KLF6: variants seen among roughly 807,000 people sequenced by gnomAD.
KLF6 encodes Krueppel-like factor 6.
For synonymous variants in KLF6, 152 were observed against 147.9 expected (o/e 1.03, Z -0.20); for missense variants, 233 against 359.8 (o/e 0.65, Z 2.85).
rs1330852460 is a variant in KLF6 at position 3,779,323 on chromosome 10, G to C, written c.*216C>G. 2 of 672,312 alleles carry C rather than the reference G, an allele frequency of 3.0e-6. No individual in the cohort carries two copies. Among genetic ancestry groups the C allele is most frequent in the Non-Finnish European group, 5.5e-6 (2 of 366,826 alleles). 41.6% of individuals were successfully genotyped at this position (672,312 alleles called of 1,614,324 possible). On this transcript the variant is annotated 3_prime_UTR_variant, in exon 4 of 4. Coordinates refer to ENST00000497571, the MANE Select transcript of KLF6 (RefSeq NM_001300.6). ...CCGCTCGGAAGGGCGGGTACCAGTG[G>C]CGAGTCCAGGGTCACCCACATACCA... is the stretch of plus-strand genomic sequence containing the variant.
rs565335912 is a variant in KLF6 at position 3,777,186 on chromosome 10, C to A, written c.*2353G>T. The A allele has an allele frequency of 1.9e-6, 1 of 514,414 alleles. No individual in the cohort carries two copies. The highest frequency in any genetic ancestry group is 3.8e-6 in the Non-Finnish European group (1 of 264,102). The allele number at this position is 514,414 out of a possible 1,614,324, so 31.9% of individuals were successfully genotyped here. On this transcript the variant is annotated 3_prime_UTR_variant, in exon 4 of 4. Transcript: ENST00000497571. ...ACTGCTCATTTCCAGGAAGATCAAA[C>A]AAAATACCAGCCCAGCCAGACTCAC...
Position 3,778,820 on chromosome 10 carries a change from C to T in KLF6, c.*719G>A. On this transcript the variant is annotated 3_prime_UTR_variant, in exon 4 of 4. Coordinates refer to ENST00000497571, the MANE Select transcript of KLF6 (RefSeq NM_001300.6). The stretch of plus-strand genomic sequence containing the variant: ...AATTGTTGTGTTATATTTGTAAATA[C>T]ACAGCTTATACAATGGGTTACAAAT... 2 of 532,816 alleles carry T rather than the reference C, an allele frequency of 3.8e-6. No homozygotes were observed. The highest frequency in any genetic ancestry group is 1.5e-5 in the South Asian group (1 of 65,154). 33.0% of individuals were successfully genotyped at this position (532,816 alleles called of 1,614,324 possible). A position where few individuals can be genotyped will look rare whatever the true frequency, so the allele number is the denominator to read the frequency against.
Position 3,776,502 on chromosome 10 carries a change from G to C in KLF6, c.*3037C>G, listed in dbSNP as rs1261279974. 2 of 529,604 alleles carry C rather than the reference G, an allele frequency of 3.8e-6. No individual in the cohort carries two copies. The highest frequency in any genetic ancestry group is 2.2e-5 in the Admixed American group (1 of 44,816). The allele number at this position is 529,604 out of a possible 1,614,324, so 32.8% of individuals were successfully genotyped here. On this transcript the variant is annotated 3_prime_UTR_variant, in exon 4 of 4. Coordinates refer to ENST00000497571, the MANE Select transcript of KLF6 (RefSeq NM_001300.6). Reference sequence around the variant, plus strand: ...GAAGCCAGGGTGATGAATGCAGGAGGAATCTGTTCCAACAACCCCCTTCCC... The same window carrying C: ...GAAGCCAGGGTGATGAATGCAGGAGCAATCTGTTCCAACAACCCCCTTCCC...
chr10:3,781,327 G>A lies in KLF6; in HGVS notation c.676+314C>T. The A allele has an allele frequency of 8.6e-7, 1 of 1,162,268 alleles. No individual in the cohort carries two copies. Among genetic ancestry groups the A allele is most frequent in the Non-Finnish European group, 1.2e-6 (1 of 851,022 alleles). The allele number at this position is 1,162,268 out of a possible 1,614,324, so 72.0% of individuals were successfully genotyped here. A position where few individuals can be genotyped will look rare whatever the true frequency, so the allele number is the denominator to read the frequency against. The stretch of plus-strand genomic sequence containing the variant: ...CCTCGTGCGAGTGCACTGGTGAAGG[G>A]GCAGTGGCCTCGGATCCCCAGCACT... On this transcript the variant is annotated intron_variant, in intron 2 of 3. Transcript: ENST00000497571. The surrounding 1 kb of genome is among the most constrained non-coding windows in gnomAD (Gnocchi z 5.8).
rs186624120 is a variant in KLF6, at chr10:3,781,580, G to A, written c.676+61C>T. On this transcript the variant is annotated intron_variant, in intron 2 of 3. Coordinates refer to ENST00000497571, the MANE Select transcript of KLF6 (RefSeq NM_001300.6). This position sits in a 1 kb window ranked among gnomAD's most constrained non-coding sequence, Gnocchi z 5.8. The stretch of plus-strand genomic sequence containing the variant: ...GCAGCCAGGCCCGGCTCCCTCCAGG[G>A]CTGGTGCAATGCAGTGGCGCCCACC... 8.9e-4 allele frequency: 1,427 copies of A among 1,599,390 alleles called. 18 individuals are homozygous for A. The African/African-American group carries it at 0.017, about 19-fold the overall frequency.
rs761621066 is a variant in KLF6, at chr10:3,777,106, G to GTAAA, written c.*2429_*2432dup. 3.9e-6 allele frequency: 2 copies of GTAAA among 511,332 alleles called. No homozygotes were observed. Among genetic ancestry groups the GTAAA allele is most frequent in the Non-Finnish European group, 3.8e-6 (1 of 262,280 alleles). The allele number at this position is 511,332 out of a possible 1,614,324, so 31.7% of individuals were successfully genotyped here. A position where few individuals can be genotyped will look rare whatever the true frequency, so the allele number is the denominator to read the frequency against. ...AAGTAAAACGAAATGAGTTTCTTAG[G>GTAAA]TAAATGTATTCATCAGCCCAGATAA... On this transcript the variant is annotated 3_prime_UTR_variant, in exon 4 of 4. Coordinates refer to ENST00000497571, the MANE Select transcript of KLF6 (RefSeq NM_001300.6).
chr10:3,782,481 G>C lies in KLF6; in HGVS notation c.103-267C>G, dbSNP rs911650849. Among the ~76,000 whole-genome samples the C allele has an allele frequency of 9.9e-5, 15 of 152,236 alleles. No individual in the cohort carries two copies. The highest frequency in any genetic ancestry group is 3.6e-4 in the African/African-American group (15 of 41,458). ...TGTTGGGCCAAGGGCCACAATGAGT[G>C]ATGATCACTAAGCCGGTTTTTTTGT... On this transcript the variant is annotated intron_variant, in intron 1 of 3. Coordinates refer to ENST00000497571, the MANE Select transcript of KLF6 (RefSeq NM_001300.6). This position sits in a 1 kb window ranked among gnomAD's most constrained non-coding sequence, Gnocchi z 4.3.
In KLF6 at chr10:3,782,674, A is replaced by G. The variant is rs1832558126; in HGVS notation, c.103-460T>C. Among the ~76,000 whole-genome samples the G allele has an allele frequency of 1.3e-5, 2 of 152,226 alleles. No individual in the cohort carries two copies. The highest frequency in any genetic ancestry group is 4.1e-4 in the South Asian group (2 of 4,832). Reference sequence around the variant, plus strand: ...CTTCACACTCCACAGATACCCACACAGGACAGAAAGACTGCACGGCACACA... The same window carrying G: ...CTTCACACTCCACAGATACCCACACGGGACAGAAAGACTGCACGGCACACA... On this transcript the variant is annotated intron_variant, in intron 1 of 3. Transcript: ENST00000497571. The surrounding 1 kb of genome is among the most constrained non-coding windows in gnomAD (Gnocchi z 4.3).
rs1564294054 is a variant in KLF6 at position 3,779,019 on chromosome 10, CTT to C, written c.*518_*519del. ...ACGCCCACCCTCCAAGATTTTCCTT[CTT>C]TTTTTGTTTTTGTTTTTTTGTTTTT... On this transcript the variant is annotated 3_prime_UTR_variant, in exon 4 of 4. Coordinates refer to ENST00000497571, the MANE Select transcript of KLF6 (RefSeq NM_001300.6). 1 of 529,738 alleles carries C rather than the reference CTT, an allele frequency of 1.9e-6. No individual in the cohort carries two copies. Among genetic ancestry groups the C allele is most frequent in the Non-Finnish European group, 3.6e-6 (1 of 275,072 alleles). The allele number at this position is 529,738 out of a possible 1,614,324, so 32.8% of individuals were successfully genotyped here.
Position 3,776,732 on chromosome 10 carries a change from T to G in KLF6, c.*2807A>C, listed in dbSNP as rs1421309976. ...AAAAAAAAAAAAGAAATTTCACTAA[T>G]AGAAATTTTTTTTTAATTTCAAGCA... On this transcript the variant is annotated 3_prime_UTR_variant, in exon 4 of 4. Transcript: ENST00000497571. 1 of 473,480 alleles carries G rather than the reference T, an allele frequency of 2.1e-6. No individual in the cohort carries two copies. Among genetic ancestry groups the G allele is most frequent in the Non-Finnish European group, 4.0e-6 (1 of 249,786 alleles). 29.3% of individuals were successfully genotyped at this position (473,480 alleles called of 1,614,324 possible). A position where few individuals can be genotyped will look rare whatever the true frequency, so the allele number is the denominator to read the frequency against.
rs552356959 is a variant in KLF6 at position 3,780,004 on chromosome 10, T to C, written c.800+102A>G. On this transcript the variant is annotated intron_variant, in intron 3 of 3. Transcript: ENST00000497571. The surrounding 1 kb of genome is among the most constrained non-coding windows in gnomAD (Gnocchi z 4.6). ...AAAGAAATGTTCACACATAGGAAAC[T>C]GCATGCCTTCCTTCGAATGTGCCCT... is the stretch of plus-strand genomic sequence containing the variant. The C allele has an allele frequency of 1.4e-6, 2 of 1,429,032 alleles. No homozygotes were observed. The highest frequency in any genetic ancestry group is 1.7e-5 in the Admixed American group (1 of 59,480). The allele number at this position is 1,429,032 out of a possible 1,614,324, so 88.5% of individuals were successfully genotyped here. A position where few individuals can be genotyped will look rare whatever the true frequency, so the allele number is the denominator to read the frequency against.
In KLF6 at chr10:3,782,751, C is replaced by G. The variant is rs1297414553; in HGVS notation, c.103-537G>C. Among the ~76,000 whole-genome samples, 2 of 152,220 alleles carry G rather than the reference C, an allele frequency of 1.3e-5. No individual in the cohort carries two copies. The highest frequency in any genetic ancestry group is 4.8e-5 in the African/African-American group (2 of 41,470). ...ACACGGCTGACAACACAGGGCCACA[C>G]TCGGGGGAGAGGAGACAGCAGCTGT... is the stretch of plus-strand genomic sequence containing the variant. On this transcript the variant is annotated intron_variant, in intron 1 of 3. Coordinates refer to ENST00000497571, the MANE Select transcript of KLF6 (RefSeq NM_001300.6). The surrounding 1 kb of genome is among the most constrained non-coding windows in gnomAD (Gnocchi z 4.3).
chr10:3,777,436 A>G lies in KLF6; in HGVS notation c.*2103T>C. The G allele has an allele frequency of 2.0e-6, 1 of 510,612 alleles. No individual in the cohort carries two copies. The highest frequency in any genetic ancestry group is 1.5e-5 in the South Asian group (1 of 64,968). The allele number at this position is 510,612 out of a possible 1,614,324, so 31.6% of individuals were successfully genotyped here. On this transcript the variant is annotated 3_prime_UTR_variant, in exon 4 of 4. Coordinates refer to ENST00000497571, the MANE Select transcript of KLF6 (RefSeq NM_001300.6). The stretch of plus-strand genomic sequence containing the variant: ...AGGTTAGATCTTCTAATAAGGCTGA[A>G]ATTCAAAATCAAAACCTTAGTGTGT...
chr10:3,781,628 C>A lies in KLF6; in HGVS notation c.676+13G>T, dbSNP rs772378365. On this transcript the variant is annotated intron_variant, in intron 2 of 3. Coordinates refer to ENST00000497571, the MANE Select transcript of KLF6 (RefSeq NM_001300.6). This position sits in a 1 kb window ranked among gnomAD's most constrained non-coding sequence, Gnocchi z 5.8. ...ACCAGCGGCCGCCCTCCGGGGCCCG[C>A]GTGGGCACTGACCTGTGTGCGTCCG... The A allele has an allele frequency of 9.9e-6, 16 of 1,612,088 alleles. No homozygotes were observed. In the Admixed American group the frequency reaches 1.5e-4, roughly 15 times the overall value.
intron 1 of KLF6, among the ~76,000 whole-genome samples, chr10:3,784,280 A>G (rs1832597518): frequency 6.6e-6 from 1 of 152,182 alleles, no homozygotes; most frequent in Non-Finnish European, 1.5e-5. Flanking sequence ...TTTCCAAACT[A>G]AGACTTGAAG....
rs1360001468 is a variant in KLF6 at position 3,778,950 on chromosome 10, T to G, written c.*589A>C. On this transcript the variant is annotated 3_prime_UTR_variant, in exon 4 of 4. Transcript: ENST00000497571. ...TCACACAGAAAAGGGGGAGAGAGGC[T>G]CTCCCTCCCCACACCACTCGCCACT... is the stretch of plus-strand genomic sequence containing the variant. 1 of 534,518 alleles carries G rather than the reference T, an allele frequency of 1.9e-6. No homozygotes were observed. The highest frequency in any genetic ancestry group is 3.6e-6 in the Non-Finnish European group (1 of 276,664). 33.1% of individuals were successfully genotyped at this position (534,518 alleles called of 1,614,324 possible).
chr10:3,781,287 G>A lies in KLF6; in HGVS notation c.676+354C>T. On this transcript the variant is annotated intron_variant, in intron 2 of 3. Transcript: ENST00000497571. This position sits in a 1 kb window ranked among gnomAD's most constrained non-coding sequence, Gnocchi z 5.8. ...TTGAGTTTCATTTAGGAAACCCCAG[G>A]GCCGCTCGAGGTAGCCTCGTGCGAG... 2 of 781,840 alleles carry A rather than the reference G, an allele frequency of 2.6e-6. No homozygotes were observed. Among genetic ancestry groups the A allele is most frequent in the East Asian group, 2.8e-5 (1 of 36,266 alleles). 48.4% of individuals were successfully genotyped at this position (781,840 alleles called of 1,614,324 possible).
chr10:3,784,780 C>G lies in KLF6; in HGVS notation c.102+133G>C, dbSNP rs374269882. The G allele has an allele frequency of 2.2e-4, 177 of 816,148 alleles. 1 individual carries two copies. The East Asian group carries it at 4.4e-3, about 20-fold the overall frequency. The allele number at this position is 816,148 out of a possible 1,614,324, so 50.6% of individuals were successfully genotyped here. ...CCTGGAGGATCGATCGGCGGGGGCG[C>G]TGCGCCCGCTCCCCCGGTGACAGCG... On this transcript the variant is annotated intron_variant, in intron 1 of 3. Transcript: ENST00000497571.
Position 3,781,595 on chromosome 10 carries a change from T to C in KLF6, c.676+46A>G, listed in dbSNP as rs752397016. Reference sequence around the variant, plus strand: ...TCCCTCCAGGGCTGGTGCAATGCAGTGGCGCCCACCAGCGGCCGCCCTCCG... The same window carrying C: ...TCCCTCCAGGGCTGGTGCAATGCAGCGGCGCCCACCAGCGGCCGCCCTCCG... On this transcript the variant is annotated intron_variant, in intron 2 of 3. Coordinates refer to ENST00000497571, the MANE Select transcript of KLF6 (RefSeq NM_001300.6). The surrounding 1 kb of genome is among the most constrained non-coding windows in gnomAD (Gnocchi z 5.8). The C allele has an allele frequency of 1.2e-6, 2 of 1,604,222 alleles. No individual in the cohort carries two copies. Among genetic ancestry groups the C allele is most frequent in the Non-Finnish European group, 1.7e-6 (2 of 1,175,282 alleles).
Sources: gnomAD v4.1 joint callset for allele counts (sites outside exome capture counted in the v4.1 genomes callset) on GRCh38, gnomAD v4.1.1 for gene constraint, Gnocchi (gnomAD v3.1) non-coding constraint, MANE v1.5 for transcripts, NCBI Gene and HGNC (gene_info 2026-07-23, HGNC 2026-07-21) for gene names.